The following TEF variants were observed in gnomAD, a reference collection of about 807,000 sequenced individuals.
The protein encoded by TEF is TEF transcription factor, PAR bZIP family member.
In TEF, 3 loss-of-function variants were observed where a neutral mutation model predicts 20.8. The observed-to-expected ratio is 0.14, with a 90% CI of 0.07 to 0.37. The LOEUF (loss-of-function observed/expected upper bound fraction) is 0.37, where lower values mean the gene tolerates loss of function less well. Ranked by LOEUF, TEF falls within the 10% of genes least tolerant of loss-of-function variation. The pLI is 1.00. For synonymous variants in TEF, 180 were observed against 171.1 expected, an observed-to-expected ratio of 1.05 and a Z score of -0.41; for missense variants, 296 against 397.9, an observed-to-expected ratio of 0.74 and a Z score of 2.18.
rs1478299597 is a variant in TEF at position 41,396,055 on chromosome 22, C to T, written c.*95C>T. 11 of 1,354,774 alleles carry T rather than the reference C, an allele frequency of 8.1e-6. No homozygotes were observed. The highest frequency in any genetic ancestry group is 2.4e-5 in the East Asian group (1 of 41,792). The allele number at this position is 1,354,774 out of a possible 1,614,324, so 83.9% of individuals were successfully genotyped here. On this transcript the variant is annotated 3_prime_UTR_variant, in exon 4 of 4. Transcript: ENST00000266304. The stretch of plus-strand genomic sequence containing the variant: ...CTCACACGCGTGGAGACTTATGACT[C>T]GTCGTGGGCGCATGGCGGCGCACCT...
chr22:41,374,629 T>A (rs1039634311), intron 1 of TEF, among the ~76,000 whole-genome samples: 2 of 150,928 alleles, frequency 1.3e-5, no homozygotes, highest in African/African-American at 4.9e-5. Context: ...GGCAGGAGGA[T>A]TGCTTGAGAC....
intron 1 of TEF, among the ~76,000 whole-genome samples, chr22:41,386,751 T>TA (rs1569256325): frequency 6.7e-6 from 1 of 148,626 alleles, no homozygotes; most frequent in African/African-American, 2.5e-5. Flanking sequence ...CTCAAATAAA[T>TA]AAATAAAATA....
chr22:41,373,174 G>A (rs1442450330), intron 1 of TEF, among the ~76,000 whole-genome samples: 2 of 152,142 alleles, frequency 1.3e-5, no homozygotes, highest in Admixed American at 6.5e-5. Context: ...AACTTTGACC[G>A]AGCACATGCT....
chr22:41,368,391 G>A (rs2036844867), intron 1 of TEF, among the ~76,000 whole-genome samples: 1 of 152,096 alleles, frequency 6.6e-6, no homozygotes, highest in African/African-American at 2.4e-5. Flanking sequence ...AGCACCTGGG[G>A]TGTCCTCTCA....
chr22:41,377,969 T>G (rs2036964481), upstream of TEF, among the ~76,000 whole-genome samples: 1 of 152,180 alleles, frequency 6.6e-6, no homozygotes, highest in Non-Finnish European at 1.5e-5. Flanking sequence ...TTCCTCTTAC[T>G]ACATCCCATC....
At chr22:41,370,707 C>T (rs2036874282) in intron 1 of TEF, among the ~76,000 whole-genome samples, 1 of 152,202 alleles carries the variant, frequency 6.6e-6, no homozygotes, top group African/African-American at 2.4e-5. Flanking sequence ...CCACTGCACC[C>T]AGCCTCATTC....
upstream of TEF, among the ~76,000 whole-genome samples, chr22:41,380,027 G>C (rs1039865216): frequency 2.6e-5 from 4 of 152,162 alleles, no homozygotes; most frequent in African/African-American, 9.7e-5. Flanking sequence ...GTGAGAGCTT[G>C]AATTTTGGAA....
chr22:41,385,702 G>A (rs1279941120), intron 1 of TEF, among the ~76,000 whole-genome samples: 11 of 151,844 alleles, frequency 7.2e-5, no homozygotes, highest in Non-Finnish European at 1.0e-4. Flanking sequence ...GTTTTTTTGT[G>A]ACGGAGTTTC....
chr22:41,375,588 T>A (rs1313613703), intron 1 of TEF, among the ~76,000 whole-genome samples: 2 of 151,784 alleles, frequency 1.3e-5, no homozygotes, highest in Non-Finnish European at 2.9e-5. Flanking sequence ...GTCTCTACTA[T>A]AAATACAAAA....
intron 3 of TEF, among the ~76,000 whole-genome samples, 176 bp from the exon 4 acceptor site, chr22:41,395,569 C>A (rs186022346): frequency 1.3e-5 from 2 of 152,178 alleles, no homozygotes; most frequent in East Asian, 3.9e-4. Context: ...TCGTCCTGCC[C>A]CCGAGGAAAG....
chr22:41,373,234 C>T (rs551052244), intron 1 of TEF, among the ~76,000 whole-genome samples: 21 of 152,300 alleles, frequency 1.4e-4, no homozygotes, highest in Non-Finnish European at 2.8e-4. Context: ...TACTTTACTT[C>T]GGACACCACG....
Position 41,397,010 on chromosome 22 carries a change from C to G in TEF, c.*1050C>G, listed in dbSNP as rs1166185977. 3 of 398,790 alleles carry G rather than the reference C, an allele frequency of 7.5e-6. No homozygotes were observed. Among genetic ancestry groups the G allele is most frequent in the Non-Finnish European group, 1.3e-5 (3 of 226,268 alleles). 24.7% of individuals were successfully genotyped at this position (398,790 alleles called of 1,614,324 possible). A position where few individuals can be genotyped will look rare whatever the true frequency, so the allele number is the denominator to read the frequency against. Reference sequence around the variant, plus strand: ...TTTCTTGCTCTGCTCACCGGTGTGGCCTGGGCTGGAGTGCACTCTCCCTGG... The same window carrying G: ...TTTCTTGCTCTGCTCACCGGTGTGGGCTGGGCTGGAGTGCACTCTCCCTGG... On this transcript the variant is annotated 3_prime_UTR_variant, in exon 4 of 4. Transcript: ENST00000266304.
chr22:41,375,281 G>C (rs910379836), intron 1 of TEF, among the ~76,000 whole-genome samples: 2 of 152,144 alleles, frequency 1.3e-5, no homozygotes, highest in African/African-American at 4.8e-5. Context: ...TTCTCCCCTG[G>C]AACACACTGA....
chr22:41,387,981 C>CCCCT (rs2037118711), intron 2 of TEF, among the ~76,000 whole-genome samples: 1 of 90,478 alleles, frequency 1.1e-5, no homozygotes, highest in Non-Finnish European at 2.3e-5. Context: ...CTCAATGCTG[C>CCCCT]TCTTTTTTTT....
In TEF at chr22:41,387,529, C is replaced by A. The variant is rs1266185373; in HGVS notation, c.336C>A (p.Ala112=). 1 of 1,614,198 alleles carries A rather than the reference C, an allele frequency of 6.2e-7. No homozygotes were observed. Among genetic ancestry groups the A allele is most frequent in the South Asian group, 1.1e-5 (1 of 91,082 alleles). ...DEFLLENGIP[A]SPTHLAHNLL... ...TCCTGCTGGAGAATGGCATCCCCGCCAGCCCCACCCACCTGGCCCACAACC... is the reference window on the plus strand; with the variant it reads ...TCCTGCTGGAGAATGGCATCCCCGCAAGCCCCACCCACCTGGCCCACAACC... The change falls in exon 2 of 4, where the codon GCC becomes GCA. Residue 112 remains alanine (A), a synonymous_variant. Coordinates refer to ENST00000266304, the MANE Select transcript of TEF (RefSeq NM_003216.4).
intron 3 of TEF, 49 bp downstream of exon 3, chr22:41,394,365 C>G (rs1289461471): frequency 6.4e-7 from 1 of 1,551,110 alleles, no homozygotes; most frequent in Non-Finnish European, 8.8e-7. Context: ...GTTCAAGGGC[C>G]TAGGGGATAT....
intron 1 of TEF, 139 bp downstream of exon 1, chr22:41,382,340 G>T (rs995796828): frequency 6.3e-6 from 5 of 793,796 alleles, no homozygotes; most frequent in Non-Finnish European, 8.5e-6. Flanking sequence ...ATGACCAGGA[G>T]CCTGGAGGAC....
chr22:41,381,623 GGGA>G (rs1283062918), upstream of TEF, among the ~76,000 whole-genome samples: 3 of 152,254 alleles, frequency 2.0e-5, no homozygotes, highest in East Asian at 5.8e-4. Context: ...GCGGTGAAGG[GGGA>G]ACACTGGTAG....
intron 3 of TEF, among the ~76,000 whole-genome samples, chr22:41,395,260 C>T (rs1286043441): frequency 1.3e-5 from 2 of 152,158 alleles, no homozygotes; most frequent in Admixed American, 1.3e-4. Context: ...CCTGCCTCAG[C>T]CTCCCAAAAT....
Sources: allele counts gnomAD v4.1 joint callset (sites outside exome capture counted in the v4.1 genomes callset), GRCh38; gene constraint gnomAD v4.1.1; transcripts MANE v1.5; gene names NCBI Gene and HGNC (gene_info 2026-07-23, HGNC 2026-07-21).